The following PCDHA6 variants were observed in gnomAD, a reference collection of about 807,000 sequenced individuals.
PCDHA6 encodes protocadherin alpha-6.
A neutral mutation model predicts 60.3 loss-of-function variants in PCDHA6; 55 were observed. The observed-to-expected ratio is 0.91, with a 90% CI of 0.73 to 1.14. The LOEUF (loss-of-function observed/expected upper bound fraction) is 1.14. Among genes scored for constraint, PCDHA6 ranks in the 50% most tolerant of loss-of-function variants. The pLI is 0.00. For missense variants in PCDHA6, 1,327 were observed against 1,256.5 expected (o/e 1.06, Z -0.85); for synonymous variants, 652 against 557.9 (o/e 1.17, Z -2.38).
rs551685820 is a variant in PCDHA6, at chr5:140,967,997, C to G, written c.2395-10952C>G. On this transcript the variant is annotated intron_variant, in intron 1 of 3. Transcript: ENST00000529310. ...GGGTCTGGAGGCCACACTGCCTTTC[C>G]GACTGAATGGCTTTGGAAACTCCTA... is the stretch of plus-strand genomic sequence containing the variant. The G allele has an allele frequency of 4.3e-6, 7 of 1,614,220 alleles. No individual in the cohort carries two copies. In the African/African-American group the frequency reaches 6.7e-5, roughly 15 times the overall value.
intron 3 of PCDHA6, among the ~76,000 whole-genome samples, chr5:141,008,162 G>A (rs1280112352): frequency 6.6e-6 from 1 of 152,128 alleles, no homozygotes; most frequent in East Asian, 1.9e-4. Flanking sequence ...ATAAGATGAG[G>A]ACTAAAATGT....
intron 1 of PCDHA6, among the ~76,000 whole-genome samples, chr5:140,897,497 G>C (rs1554187423): frequency 6.6e-6 from 1 of 152,010 alleles, no homozygotes; most frequent in Admixed American, 6.6e-5. Flanking sequence ...TTTCAACCAT[G>C]TCCCTACAAA....
rs1486242200 is a variant in PCDHA6, at chr5:140,900,929, A to G, written c.2394+70444A>G. ...CTGTGGTAAGATGATATCTCATTGT[A>G]GTTTTGATTTGCATTTCTCTGATTA... On this transcript the variant is annotated intron_variant, in intron 1 of 3. Coordinates refer to ENST00000529310, the MANE Select transcript of PCDHA6 (RefSeq NM_018909.4). Among the ~76,000 whole-genome samples, 8 of 152,104 alleles carry G rather than the reference A, an allele frequency of 5.3e-5. No individual in the cohort carries two copies. The East Asian group carries it at 1.5e-3, about 29-fold the overall frequency.
At chr5:140,890,627 G>A (rs1562851697) in intron 1 of PCDHA6, among the ~76,000 whole-genome samples, 1 of 152,056 alleles carries the variant, frequency 6.6e-6, no homozygotes, top group Non-Finnish European at 1.5e-5. Flanking sequence ...AGAAAATTAA[G>A]CATGTATCCT....
chr5:140,966,402 G>A (rs1554228257), intron 1 of PCDHA6: 4 of 404,514 alleles, frequency 9.9e-6, no homozygotes, highest in African/African-American at 8.2e-5. Context: ...ACTTCGGCGC[G>A]GAATCAGAGC....
rs144770143 is a variant in PCDHA6 at position 140,947,157 on chromosome 5, G to A, written c.2395-31792G>A. Among the ~76,000 whole-genome samples the A allele has an allele frequency of 6.6e-3, 992 of 151,208 alleles. 6 individuals are homozygous for A. The highest frequency in any genetic ancestry group is 0.022 in the African/African-American group (913 of 41,346). ...TAAAATGTATAGTTACTTCCACGGG[G>A]TAGAAAATGTGGTATATATTCATGG... On this transcript the variant is annotated intron_variant, in intron 1 of 3. Transcript: ENST00000529310.
chr5:140,901,690 T>C (rs566618023), intron 1 of PCDHA6, among the ~76,000 whole-genome samples: 22 of 152,340 alleles, frequency 1.4e-4, no homozygotes, highest in African/African-American at 5.3e-4. Flanking sequence ...ATGGGTATTT[T>C]GTAGTTCTAT....
chr5:141,010,432 C>CA lies in PCDHA6; in HGVS notation c.*498dup. ...AATTGGTACAAGGAAGGCAAGAAAA[C>CA]AAAGACAAATAAACAGCGGAAGTTA... On this transcript the variant is annotated 3_prime_UTR_variant, in exon 4 of 4. Transcript: ENST00000529310. 2.8e-6 allele frequency: 3 copies of CA among 1,056,970 alleles called. No homozygotes were observed. The highest frequency in any genetic ancestry group is 4.0e-6 in the Non-Finnish European group (3 of 756,282). The allele number at this position is 1,056,970 out of a possible 1,614,324, so 65.5% of individuals were successfully genotyped here.
chr5:140,830,345 C>A lies in PCDHA6; in HGVS notation c.2254C>A (p.Gln752Lys), dbSNP rs1275311628. ...CGCAGTGGGGAGCTGGTCGTACTCG[C>A]AGCAGAGGCGGCAGAGGGTGTGCTC... ...SSAVGSWSYSQQRRQRVCSGE... is the reference protein window; with the variant it reads ...SSAVGSWSYSKQRRQRVCSGE... Residue 752 changes from glutamine to lysine, a missense_variant, in exon 1 of 4, where the codon CAG (glutamine) becomes AAG (lysine). Gln to Lys is a moderately conservative substitution (Grantham distance 53). Transcript: ENST00000529310. 1.2e-6 allele frequency: 2 copies of A among 1,613,980 alleles called. No individual in the cohort carries two copies. Among genetic ancestry groups the A allele is most frequent in the African/African-American group, 2.7e-5 (2 of 74,922 alleles).
chr5:140,860,471 C>T (rs566732753), intron 1 of PCDHA6: 1 of 152,040 alleles, frequency 6.6e-6, no homozygotes, highest in Admixed American at 6.6e-5. Context: ...ACAGTTGGTG[C>T]AGTAGTACTT....
chr5:140,982,014 C>G lies in PCDHA6; in HGVS notation c.2454-461C>G, dbSNP rs546904836. Among the ~76,000 whole-genome samples the G allele has an allele frequency of 3.3e-5, 5 of 152,270 alleles. No individual in the cohort carries two copies. The South Asian group carries it at 1.0e-3, about 32-fold the overall frequency. ...ATAAGGTTAAGAATTAATTAGATAG[C>G]CAAATTGGAACAATACTCCAATTAT... is the stretch of plus-strand genomic sequence containing the variant. On this transcript the variant is annotated intron_variant, in intron 2 of 3. Coordinates refer to ENST00000529310, the MANE Select transcript of PCDHA6 (RefSeq NM_018909.4).
intron 1 of PCDHA6, chr5:140,849,066 C>A (rs2040764051): frequency 6.5e-7 from 1 of 1,540,002 alleles, no homozygotes; most frequent in Non-Finnish European, 8.8e-7. Flanking sequence ...GCAGGTAAAA[C>A]CTCTTGGACT....
rs148144382 is a variant in PCDHA6 at position 140,914,978 on chromosome 5, G to C, written c.2395-63971G>C. On this transcript the variant is annotated intron_variant, in intron 1 of 3. Coordinates refer to ENST00000529310, the MANE Select transcript of PCDHA6 (RefSeq NM_018909.4). ...TTTTTTTTTTCTGAGTCAGAGTCTT[G>C]CTCTGCTACCAGGCTGGAGTGCAGT... Among the ~76,000 whole-genome samples the C allele has an allele frequency of 8.9e-3, 1,161 of 130,768 alleles. 6 individuals are homozygous for C. Among genetic ancestry groups the C allele is most frequent in the African/African-American group, 0.022 (758 of 34,950 alleles). 85.8% of individuals were successfully genotyped at this position (130,768 alleles called of 152,430 possible).
rs782316296 is a variant in PCDHA6 at position 140,927,382 on chromosome 5, AG to A, written c.2395-51566del. Reference sequence around the variant, plus strand: ...CAATGGGATACTAAGCTACAGCCTAAGCCCCAGTCAGCACTTTCGCCTGGAC... The same window carrying A: ...CAATGGGATACTAAGCTACAGCCTAACCCCAGTCAGCACTTTCGCCTGGAC... On this transcript the variant is annotated intron_variant, in intron 1 of 3. Coordinates refer to ENST00000529310, the MANE Select transcript of PCDHA6 (RefSeq NM_018909.4). 6 of 1,614,012 alleles carry A rather than the reference AG, an allele frequency of 3.7e-6. No homozygotes were observed. The African/African-American group carries it at 8.0e-5, about 22-fold the overall frequency.
chr5:140,934,998 T>A (rs1242919330), intron 1 of PCDHA6, among the ~76,000 whole-genome samples: 1 of 152,198 alleles, frequency 6.6e-6, no homozygotes, highest in Non-Finnish European at 1.5e-5. Flanking sequence ...CCCTGAATCC[T>A]TTTCATGTGA....
intron 1 of PCDHA6, among the ~76,000 whole-genome samples, chr5:140,958,824 A>T (rs1008923744): frequency 8.5e-5 from 13 of 152,158 alleles, no homozygotes; most frequent in African/African-American, 3.1e-4. Context: ...TAATTTTTAT[A>T]TCTTAAAGTT....
rs151257683 is a variant in PCDHA6 at position 140,830,262 on chromosome 5, C to T, written c.2171C>T (p.Ser724Leu). The part of the protein sequence containing the change: ...TLLLYTALRC[S>L]APPTEGACTA... The stretch of plus-strand genomic sequence containing the variant: ...CTGCTGTACACAGCGCTGCGGTGCT[C>T]GGCGCCACCCACCGAGGGCGCGTGC... The change falls in exon 1 of 4, where the codon TCG (serine) becomes TTG (leucine). Residue 724 changes from serine to leucine, a missense_variant. By Grantham distance (145) the Ser-to-Leu change is moderately radical. Coordinates refer to ENST00000529310, the MANE Select transcript of PCDHA6 (RefSeq NM_018909.4). 1.2e-6 allele frequency: 2 copies of T among 1,613,546 alleles called. No individual in the cohort carries two copies. Among genetic ancestry groups the T allele is most frequent in the Admixed American group, 1.7e-5 (1 of 59,980 alleles).
chr5:140,875,873 G>C (rs1554168013), intron 1 of PCDHA6: 2 of 1,614,214 alleles, frequency 1.2e-6, no homozygotes, highest in South Asian at 1.1e-5. Context: ...CCGGTGTTCA[G>C]AGAAAGGGAA....
chr5:140,965,954 C>A lies in PCDHA6; in HGVS notation c.2395-12995C>A, dbSNP rs567785452. Among the ~76,000 whole-genome samples the A allele has an allele frequency of 9.8e-4, 149 of 152,300 alleles. 1 individual carries two copies. The highest frequency in any genetic ancestry group is 1.7e-3 in the Non-Finnish European group (115 of 68,034). The stretch of plus-strand genomic sequence containing the variant: ...GGAAAGAGGGCAGCATTTGCCATCC[C>A]CCTCCTTTTGCCCTAGGAGTTGAGC... On this transcript the variant is annotated intron_variant, in intron 1 of 3. Coordinates refer to ENST00000529310, the MANE Select transcript of PCDHA6 (RefSeq NM_018909.4).
Sources: gnomAD v4.1 joint callset for allele counts (sites outside exome capture counted in the v4.1 genomes callset) on GRCh38, gnomAD v4.1.1 for gene constraint, MANE v1.5 for transcripts, NCBI Gene and HGNC (gene_info 2026-07-23, HGNC 2026-07-21) for gene names.